Variants in MFAP4 observed in about 807,000 individuals in gnomAD.
MFAP4 encodes microfibril associated protein 4, also known as microfibril-associated glycoprotein 4.
MFAP4 carries 20 observed loss-of-function variants against 32.4 expected under a neutral mutation model. The observed-to-expected ratio is 0.62, with a 90% CI of 0.43 to 0.90. MFAP4 has a LOEUF of 0.90. Ranked by LOEUF, MFAP4 falls within the 40% of genes least tolerant of loss-of-function variation. MFAP4 has a pLI of 0.00. For synonymous variants in MFAP4, 146 were observed against 137.4 expected (o/e 1.06, Z -0.44); for missense variants, 267 against 329.5 (o/e 0.81, Z 1.47).
chr17:19,385,623 A>G lies in MFAP4; in HGVS notation c.241-169T>C, dbSNP rs191800027. On this transcript the variant is annotated intron_variant, in intron 3 of 5. Coordinates refer to ENST00000299610, the MANE Select transcript of MFAP4 (RefSeq NM_002404.3). The stretch of plus-strand genomic sequence containing the variant: ...GTGGGGTTGCTAAAACAACGTCCAC[A>G]TTGGCACCAGGCCCCCTGTGGAGCA... Among the ~76,000 whole-genome samples, 20 of 152,122 alleles carry G rather than the reference A, an allele frequency of 1.3e-4. No homozygotes were observed. In the East Asian group the frequency reaches 3.9e-3, roughly 29 times the overall value.
intron 1 of MFAP4, 134 bp from the exon 2 acceptor site, chr17:19,386,972 T>TGG: frequency 1.1e-6 from 1 of 937,012 alleles, no homozygotes; most frequent in Non-Finnish European, 1.7e-6. Flanking sequence ...TGGCCCCTCT[T>TGG]CCCTGCCCCC....
rs1477515612 is a variant in MFAP4, at chr17:19,383,541, C to G, written c.*921G>C. On this transcript the variant is annotated 3_prime_UTR_variant, in exon 6 of 6. Transcript: ENST00000299610. ...TGAAATACAAGGTTCCCTTCTGCAC[C>G]TGACTCCAGGTGTAATTTTTGGAGT... 1 of 198,306 alleles carries G rather than the reference C, an allele frequency of 5.0e-6. No individual in the cohort carries two copies. Among genetic ancestry groups the G allele is most frequent in the South Asian group, 1.7e-4 (1 of 5,748 alleles). The allele number at this position is 198,306 out of a possible 1,614,324, so 12.3% of individuals were successfully genotyped here.
At chr17:19,386,909 G>A (rs1436707685) in intron 1 of MFAP4, 71 bp from the exon 2 acceptor site, 3 of 1,488,958 alleles carry the variant, frequency 2.0e-6, no homozygotes, top group African/African-American at 1.4e-5. Context: ...CTTTGCATTT[G>A]CCCCCACCAT....
intron 3 of MFAP4, among the ~76,000 whole-genome samples, chr17:19,385,973 G>C (rs139356332): frequency 0.015 from 2,293 of 152,316 alleles, 22 homozygotes; most frequent in Non-Finnish European, 0.024. Flanking sequence ...AAAAAAATTA[G>C]CTGGGCATGG....
Position 19,384,602 on chromosome 17 carries a change from G to A in MFAP4, c.628C>T (p.Arg210Cys). The change falls in exon 6 of 6, where the codon CGC becomes TGC. Residue 210 changes from arginine (R) to cysteine (C), a missense_variant. Coordinates refer to ENST00000299610, the MANE Select transcript of MFAP4 (RefSeq NM_002404.3). ...AALSSGAFWF[R>C]SCHFANLNGF... ...TTGAGGTTGGCAAAGTGGCAGCTGC[G>A]GAACCAGAAGGCTCCTGAGGAGAGA... The A allele has an allele frequency of 1.2e-6, 2 of 1,614,154 alleles. No individual in the cohort carries two copies. Among genetic ancestry groups the A allele is most frequent in the Non-Finnish European group, 1.7e-6 (2 of 1,180,008 alleles).
At chr17:19,386,977 G>GGGGCCC in intron 1 of MFAP4, 139 bp from the exon 2 acceptor site, 40 of 689,392 alleles carry the variant, frequency 5.8e-5, no homozygotes, top group Non-Finnish European at 9.2e-5. Flanking sequence ...CCTCTTCCCT[G>GGGGCCC]CCCCCCCACC....
chr17:19,385,506 C>G (rs750907087), intron 3 of MFAP4, 52 bp from the exon 4 acceptor site: 12 of 1,494,814 alleles, frequency 8.0e-6, no homozygotes, highest in Non-Finnish European at 1.0e-5. Flanking sequence ...GGGCAAGGTT[C>G]TGGTCCTGCC....
chr17:19,384,788 G>A lies in MFAP4; in HGVS notation c.521-79C>T, dbSNP rs1024133571. ...CTGGCCGGGAGAGGGTGACAATGAC[G>A]ACTGTGAGAGATATCACGTGGCAGC... On this transcript the variant is annotated intron_variant, in intron 5 of 5. Transcript: ENST00000299610. The A allele has an allele frequency of 1.9e-5, 30 of 1,569,210 alleles. 1 individual carries two copies. Among genetic ancestry groups the A allele is most frequent in the Middle Eastern group, 1.8e-4 (1 of 5,488 alleles).
rs775205351 is a variant in MFAP4 at position 19,387,178 on chromosome 17, G to T, written c.-23C>A. The T allele has an allele frequency of 1.3e-6, 2 of 1,550,068 alleles. No homozygotes were observed. Among genetic ancestry groups the T allele is most frequent in the Non-Finnish European group, 1.8e-6 (2 of 1,123,808 alleles). The stretch of plus-strand genomic sequence containing the variant: ...CATGCTGTCAGTTCTGCTCAGAGTG[G>T]CTGGGTGTCTGCGGCCCCAGACTGC... On this transcript the variant is annotated 5_prime_UTR_variant, in exon 1 of 6. Coordinates refer to ENST00000299610, the MANE Select transcript of MFAP4 (RefSeq NM_002404.3).
intron 1 of MFAP4, 22 bp from the exon 2 acceptor site, chr17:19,386,860 C>G: frequency 1.3e-6 from 2 of 1,551,488 alleles, no homozygotes; most frequent in Non-Finnish European, 1.7e-6. Flanking sequence ...CAGACAGGGT[C>G]AGCACAGCCC....
At chr17:19,387,033 T>A (rs1476697516) in intron 1 of MFAP4, 117 bp downstream of exon 1, 13 of 1,281,476 alleles carry the variant, frequency 1.0e-5, no homozygotes, top group Non-Finnish European at 1.1e-5. Flanking sequence ...TGTACCCTCA[T>A]AGCTTACGAG....
intron 2 of MFAP4, 27 bp downstream of exon 2, chr17:19,386,733 C>T (rs778000256): frequency 2.1e-5 from 32 of 1,556,740 alleles, no homozygotes; most frequent in South Asian, 5.9e-5. Context: ...TGGGCCAGGC[C>T]GCGTCTGTGA....
In MFAP4 at chr17:19,385,261, G is replaced by A. The variant is rs376425364; in HGVS notation, c.358C>T (p.Leu120=). 6.2e-7 allele frequency: 1 copy of A among 1,614,152 alleles called. No homozygotes were observed. Among genetic ancestry groups the A allele is most frequent in the Non-Finnish European group, 8.5e-7 (1 of 1,180,054 alleles). Residue 120 remains leucine (L), a synonymous_variant, in exon 5 of 6, where the codon CTG becomes TTG. Transcript: ENST00000299610. ...AGCTCATACTTCTGCTTCAGTGTCA[G>A]GAGGTGCATGTTCTGCAGCCCTGGG... ...YWLGLQNMHL[L]TLKQKYELRV...
intron 5 of MFAP4, 93 bp from the exon 6 acceptor site, chr17:19,384,802 T>G (rs768084043): frequency 1.3e-6 from 2 of 1,543,820 alleles, no homozygotes; most frequent in East Asian, 2.3e-5. Context: ...GTGAGAGATA[T>G]CACGTGGCAG....
At chr17:19,387,104 G>C (rs751556290) in intron 1 of MFAP4, 46 bp downstream of exon 1, 1 of 1,612,868 alleles carries the variant, frequency 6.2e-7, no homozygotes, top group Admixed American at 1.7e-5. Context: ...TCTGGAGTGG[G>C]CTCAGTTCCC....
At chr17:19,385,720 G>A (rs745600881) in intron 3 of MFAP4, among the ~76,000 whole-genome samples, 1 of 152,218 alleles carries the variant, frequency 6.6e-6, no homozygotes, top group Non-Finnish European at 1.5e-5. Context: ...AGAGGGAGGC[G>A]TTCTAGAGTT....
At chr17:19,386,989 C>CCCCCCCCCCCT in intron 1 of MFAP4, 151 bp from the exon 2 acceptor site, 1 of 1,042,232 alleles carries the variant, frequency 9.6e-7, no homozygotes, top group Non-Finnish European at 1.4e-6. Context: ...CCCCCCACCC[C>CCCCCCCCCCCT]GCCCGCCAAG....
Position 19,384,469 on chromosome 17 carries a change from C to T in MFAP4, c.761G>A (p.Arg254Gln), listed in dbSNP as rs771079046. Residue 254 changes from arginine to glutamine, a missense_variant, in exon 6 of 6, where the codon CGG (arginine) becomes CAG (glutamine). Coordinates refer to ENST00000299610, the MANE Select transcript of MFAP4 (RefSeq NM_002404.3). Reference protein sequence around the residue: ...SLKRTEMKIRRA With the variant: ...SLKRTEMKIRQA ...CCTGAGGGGGCCAGCCCTTCAGGCC[C>T]GGCGGATTTTCATCTCAGTGCGTTT... is the stretch of plus-strand genomic sequence containing the variant. 3.6e-5 allele frequency: 56 copies of T among 1,572,916 alleles called. No individual in the cohort carries two copies. Among genetic ancestry groups the T allele is most frequent in the East Asian group, 3.6e-4 (15 of 42,226 alleles).
intron 2 of MFAP4, 60 bp downstream of exon 2, chr17:19,386,698 GTC>G (rs1409273983): frequency 2.6e-6 from 4 of 1,522,082 alleles, no homozygotes; most frequent in Non-Finnish European, 3.6e-6. Flanking sequence ...TGTTCTGACA[GTC>G]CAGCCTCTTC....
Sources: allele counts gnomAD v4.1 joint callset (sites outside exome capture counted in the v4.1 genomes callset), GRCh38; gene constraint gnomAD v4.1.1; transcripts MANE v1.5; gene names NCBI Gene and HGNC (gene_info 2026-07-23, HGNC 2026-07-21).